SLC5A3: variants seen among roughly 807,000 people sequenced by gnomAD.
SLC5A3 encodes the protein solute carrier family 5 member 3.
SLC5A3 carries 10 observed loss-of-function variants against 43.2 expected under a neutral mutation model. That is an observed-to-expected ratio of 0.23 (90% CI 0.14 to 0.39). The LOEUF is 0.39. Among genes scored for constraint, SLC5A3 ranks in the 10% least tolerant of loss-of-function variants. The pLI is 1.00. For synonymous variants in SLC5A3, 349 were observed against 322.0 expected (o/e 1.08, Z -0.90); for missense variants, 608 against 893.4 (o/e 0.68, Z 4.07).
chr21:34,103,090 A>G lies in SLC5A3; in HGVS notation c.*5735A>G, dbSNP rs575737491. On this transcript the variant is annotated 3_prime_UTR_variant, in exon 2 of 2. Transcript: ENST00000381151. ...ATTAGTAACTCATCTTTTTGTTGTTATAATTGGAAACAGAAACGAGGCTTA... is the reference window on the plus strand; with the variant it reads ...ATTAGTAACTCATCTTTTTGTTGTTGTAATTGGAAACAGAAACGAGGCTTA... 182 of 1,000,084 alleles carry G rather than the reference A, an allele frequency of 1.8e-4. No individual in the cohort carries two copies. The Middle Eastern group carries it at 2.6e-3, about 14-fold the overall frequency. 62.0% of individuals were successfully genotyped at this position (1,000,084 alleles called of 1,614,324 possible). A position where few individuals can be genotyped will look rare whatever the true frequency, so the allele number is the denominator to read the frequency against.
chr21:34,103,663 G>A lies in SLC5A3; in HGVS notation c.*6308G>A, dbSNP rs1175201180. On this transcript the variant is annotated 3_prime_UTR_variant, in exon 2 of 2. Coordinates refer to ENST00000381151, the MANE Select transcript of SLC5A3 (RefSeq NM_006933.7). ...TATCCCACAAGTGCCAGTCATAAAG[G>A]CCACCAGGTATTTGTCTCAGAGTTG... 2 of 1,000,090 alleles carry A rather than the reference G, an allele frequency of 2.0e-6. No homozygotes were observed. Among genetic ancestry groups the A allele is most frequent in the Non-Finnish European group, 2.4e-6 (2 of 829,922 alleles). The allele number at this position is 1,000,090 out of a possible 1,614,324, so 62.0% of individuals were successfully genotyped here. A position where few individuals can be genotyped will look rare whatever the true frequency, so the allele number is the denominator to read the frequency against.
In SLC5A3 at chr21:34,100,320, G is replaced by A; in HGVS notation, c.*2965G>A. The A allele has an allele frequency of 1.0e-6, 1 of 1,000,140 alleles. No individual in the cohort carries two copies. The highest frequency in any genetic ancestry group is 1.2e-6 in the Non-Finnish European group (1 of 829,966). The allele number at this position is 1,000,140 out of a possible 1,614,324, so 62.0% of individuals were successfully genotyped here. A position where few individuals can be genotyped will look rare whatever the true frequency, so the allele number is the denominator to read the frequency against. ...CAGGATGATTATTGCATATTTTGTG[G>A]GACCTCTAATTTCCCTGGTCATCTT... On this transcript the variant is annotated 3_prime_UTR_variant, in exon 2 of 2. Coordinates refer to ENST00000381151, the MANE Select transcript of SLC5A3 (RefSeq NM_006933.7).
Position 34,103,918 on chromosome 21 carries a change from T to G in SLC5A3, c.*6563T>G. 1 of 1,000,190 alleles carries G rather than the reference T, an allele frequency of 1.0e-6. No homozygotes were observed. The highest frequency in any genetic ancestry group is 1.2e-6 in the Non-Finnish European group (1 of 829,938). 62.0% of individuals were successfully genotyped at this position (1,000,190 alleles called of 1,614,324 possible). On this transcript the variant is annotated 3_prime_UTR_variant, in exon 2 of 2. Transcript: ENST00000381151. ...GAGAAATAGGGACAGATGTCTAGGT[T>G]TTTGGTGGGTGGAACAGGTGACATA...
Position 34,105,139 on chromosome 21 carries a change from T to G in SLC5A3, c.*7784T>G, listed in dbSNP as rs1979418923. 2.0e-6 allele frequency: 2 copies of G among 1,000,138 alleles called. No individual in the cohort carries two copies. The highest frequency in any genetic ancestry group is 1.2e-4 in the Admixed American group (2 of 16,266). The allele number at this position is 1,000,138 out of a possible 1,614,324, so 62.0% of individuals were successfully genotyped here. A position where few individuals can be genotyped will look rare whatever the true frequency, so the allele number is the denominator to read the frequency against. ...ATTAGTGTCAGATGATGGTATGGAA[T>G]TTGTTCCCTTGCTTTCCCCCACTGT... On this transcript the variant is annotated 3_prime_UTR_variant, in exon 2 of 2. Transcript: ENST00000381151.
chr21:34,079,048 A>T (rs1198535952), intron 1 of SLC5A3, among the ~76,000 whole-genome samples: 1 of 152,246 alleles, frequency 6.6e-6, no homozygotes, highest in Non-Finnish European at 1.5e-5. Flanking sequence ...GGAAAGTGAC[A>T]GTTAATTCAG....
At position 34,100,968 on chromosome 21, in the gene SLC5A3, C is replaced by T. The variant is rs1290751890; in HGVS notation, c.*3613C>T. 1.0e-6 allele frequency: 1 copy of T among 999,948 alleles called. No homozygotes were observed. The highest frequency in any genetic ancestry group is 1.2e-6 in the Non-Finnish European group (1 of 829,896). The allele number at this position is 999,948 out of a possible 1,614,324, so 61.9% of individuals were successfully genotyped here. ...GGTTAACTTATGATGATTCTCCTGG[C>T]TCATTTTCATCAGAGGCATGATGAC... On this transcript the variant is annotated 3_prime_UTR_variant, in exon 2 of 2. Transcript: ENST00000381151.
rs139720486 is a variant in SLC5A3 at position 34,077,602 on chromosome 21, A to G, written c.-337+3857A>G. On this transcript the variant is annotated intron_variant, in intron 1 of 1. Transcript: ENST00000381151. ...ATATATATCTTCATATGTTTTTCTA[A>G]TAGGAATAAAGAAGATAGCTATTTT... Among the ~76,000 whole-genome samples the G allele has an allele frequency of 1.4e-4, 21 of 152,270 alleles. No individual in the cohort carries two copies. The East Asian group carries it at 3.9e-3, about 28-fold the overall frequency.
chr21:34,094,603 T>C (rs189274746), intron 1 of SLC5A3, among the ~76,000 whole-genome samples: 5 of 152,354 alleles, frequency 3.3e-5, no homozygotes, highest in Non-Finnish European at 5.9e-5. Flanking sequence ...GGCAGTTAGC[T>C]GCTGAAGTTA....
rs35685523 is a variant in SLC5A3, at chr21:34,097,409, G to GA, written c.*60dup. On this transcript the variant is annotated 3_prime_UTR_variant, in exon 2 of 2. Coordinates refer to ENST00000381151, the MANE Select transcript of SLC5A3 (RefSeq NM_006933.7). ...AAGACAATACTGACTGGTCTTTGGG[G>GA]AAAAAAGTTATGTAACTGTGCATCT... The GA allele has an allele frequency of 1, 1,502,303 of 1,502,558 alleles. 751,024 individuals are homozygous for GA. Among genetic ancestry groups the GA allele is most frequent in the Middle Eastern group, 1 (4,756 of 4,756 alleles). The allele number at this position is 1,502,558 out of a possible 1,614,324, so 93.1% of individuals were successfully genotyped here.
chr21:34,088,118 C>G (rs1029244597), intron 1 of SLC5A3, among the ~76,000 whole-genome samples: 2 of 152,132 alleles, frequency 1.3e-5, no homozygotes, highest in Non-Finnish European at 2.9e-5. Flanking sequence ...CTGTGAGAAC[C>G]CTTGCATTTG....
rs965794784 is a variant in SLC5A3, at chr21:34,103,328, A to AC, written c.*5973_*5974insC. The AC allele has an allele frequency of 1.0e-6, 1 of 998,990 alleles. No individual in the cohort carries two copies. The highest frequency in any genetic ancestry group is 1.8e-5 in the African/African-American group (1 of 57,102). 61.9% of individuals were successfully genotyped at this position (998,990 alleles called of 1,614,324 possible). A position where few individuals can be genotyped will look rare whatever the true frequency, so the allele number is the denominator to read the frequency against. On this transcript the variant is annotated 3_prime_UTR_variant, in exon 2 of 2. Coordinates refer to ENST00000381151, the MANE Select transcript of SLC5A3 (RefSeq NM_006933.7). ...TAGTGAAGGAAGTAAAAAAAAAAAA[A>AC]AAACATGCATTACATTGACATACTT...
rs931353050 is a variant in SLC5A3 at position 34,097,446 on chromosome 21, T to C, written c.*91T>C. On this transcript the variant is annotated 3_prime_UTR_variant, in exon 2 of 2. Transcript: ENST00000381151. Reference sequence around the variant, plus strand: ...GTAACTGTGCATCTCTCAGGCATTGTTTACGCTGTAGGTTTTAGCCAAATT... The same window carrying C: ...GTAACTGTGCATCTCTCAGGCATTGCTTACGCTGTAGGTTTTAGCCAAATT... 2 of 1,492,538 alleles carry C rather than the reference T, an allele frequency of 1.3e-6. No individual in the cohort carries two copies. Among genetic ancestry groups the C allele is most frequent in the Admixed American group, 2.4e-5 (1 of 41,584 alleles). The allele number at this position is 1,492,538 out of a possible 1,614,324, so 92.5% of individuals were successfully genotyped here.
At position 34,099,072 on chromosome 21, in the gene SLC5A3, TC is replaced by T; in HGVS notation, c.*1718del. 1 of 999,326 alleles carries T rather than the reference TC, an allele frequency of 1.0e-6. No homozygotes were observed. Among genetic ancestry groups the T allele is most frequent in the Non-Finnish European group, 1.2e-6 (1 of 829,452 alleles). The allele number at this position is 999,326 out of a possible 1,614,324, so 61.9% of individuals were successfully genotyped here. On this transcript the variant is annotated 3_prime_UTR_variant, in exon 2 of 2. Transcript: ENST00000381151. ...AGTCCAAAGTTAATTTTAGAAATTG[TC>T]AGGTAGCATAGTGTCTTCCCATGAT...
chr21:34,105,674 C>T lies in SLC5A3; in HGVS notation c.*8319C>T. The stretch of plus-strand genomic sequence containing the variant: ...TGTGATTATAAATGAAGTTGATGAA[C>T]ATTAATTTTGTTATTAGTGAGTTTT... On this transcript the variant is annotated 3_prime_UTR_variant, in exon 2 of 2. Coordinates refer to ENST00000381151, the MANE Select transcript of SLC5A3 (RefSeq NM_006933.7). 1 of 996,820 alleles carries T rather than the reference C, an allele frequency of 1.0e-6. No individual in the cohort carries two copies. The highest frequency in any genetic ancestry group is 1.7e-5 in the African/African-American group (1 of 57,240). The allele number at this position is 996,820 out of a possible 1,614,324, so 61.7% of individuals were successfully genotyped here. A position where few individuals can be genotyped will look rare whatever the true frequency, so the allele number is the denominator to read the frequency against.
At chr21:34,080,130 C>A (rs1057094297) in intron 1 of SLC5A3, among the ~76,000 whole-genome samples, 1 of 152,120 alleles carries the variant, frequency 6.6e-6, no homozygotes, top group Non-Finnish European at 1.5e-5. Flanking sequence ...CCTGTAAATA[C>A]GCTTGTAGTG....
rs997315474 is a variant in SLC5A3 at position 34,099,001 on chromosome 21, A to AT, written c.*1653dup. 10 of 990,440 alleles carry AT rather than the reference A, an allele frequency of 1.0e-5. No homozygotes were observed. In the African/African-American group the frequency reaches 1.6e-4, roughly 16 times the overall value. 61.4% of individuals were successfully genotyped at this position (990,440 alleles called of 1,614,324 possible). ...TTTGAATCAAAACTCAGTCTTTTTA[A>AT]TTTTTTTGTAGTCTATAAACTAGTT... On this transcript the variant is annotated 3_prime_UTR_variant, in exon 2 of 2. Transcript: ENST00000381151.
chr21:34,095,194 C>A lies in SLC5A3; in HGVS notation c.-5C>A. On this transcript the variant is annotated 5_prime_UTR_variant, in exon 2 of 2. Transcript: ENST00000381151. The stretch of plus-strand genomic sequence containing the variant: ...TTGGAGCGCTATTATTCACAAGTTA[C>A]CAGAATGAGAGCTGTACTGGACACA... 1 of 1,580,690 alleles carries A rather than the reference C, an allele frequency of 6.3e-7. No homozygotes were observed. Among genetic ancestry groups the A allele is most frequent in the Non-Finnish European group, 8.6e-7 (1 of 1,164,628 alleles).
intron 1 of SLC5A3, among the ~76,000 whole-genome samples, chr21:34,080,898 G>A (rs1041037540): frequency 1.3e-5 from 2 of 152,198 alleles, no homozygotes; most frequent in East Asian, 1.9e-4. Flanking sequence ...CTTCGCTCAC[G>A]CTGGGTGAGT....
intron 1 of SLC5A3, among the ~76,000 whole-genome samples, chr21:34,083,668 C>G (rs1989507691): frequency 6.6e-6 from 1 of 152,144 alleles, no homozygotes; most frequent in African/African-American, 2.4e-5. Flanking sequence ...AGTATAGTAT[C>G]TTGAAGCTTT....
Sources: gnomAD v4.1 joint callset for allele counts (sites outside exome capture counted in the v4.1 genomes callset) on GRCh38, gnomAD v4.1.1 for gene constraint, MANE v1.5 for transcripts, NCBI Gene and HGNC (gene_info 2026-07-23, HGNC 2026-07-21) for gene names.